The following CDK19 variants were observed in gnomAD, a reference collection of about 807,000 sequenced individuals.
CDK19 encodes cyclin-dependent kinase 19.
CDK19 carries 20 observed loss-of-function variants against 68.3 expected under a neutral mutation model. The ratio of observed to expected loss-of-function variants is 0.29; its 90% CI spans 0.21 to 0.43. The LOEUF is 0.43. CDK19 is among the 20% of genes least tolerant of loss of function. The pLI, the probability that CDK19 is intolerant of heterozygous loss-of-function variation, is 1.00. For synonymous variants in CDK19, 221 were observed against 222.8 expected (o/e 0.99, Z 0.07); for missense variants, 339 against 623.5 (o/e 0.54, Z 4.86).
chr6:110,617,072 T>C (rs1286223267), intron 12 of CDK19, among the ~76,000 whole-genome samples: 9 of 152,200 alleles, frequency 5.9e-5, no homozygotes, highest in African/African-American at 2.2e-4. Context: ...GAGCAAAAGT[T>C]TTTCTCTGAC....
intron 1 of CDK19, among the ~76,000 whole-genome samples, chr6:110,791,321 A>G (rs1192291350): frequency 6.6e-6 from 1 of 152,122 alleles, no homozygotes; most frequent in East Asian, 1.9e-4. Flanking sequence ...GGAGGAAAGA[A>G]GGTCAGAAAG....
chr6:110,719,496 C>T (rs550501825), intron 2 of CDK19, among the ~76,000 whole-genome samples: 1 of 152,098 alleles, frequency 6.6e-6, no homozygotes, highest in Admixed American at 6.5e-5. Flanking sequence ...TGCACTCCAG[C>T]CTGGGTGACA....
chr6:110,797,098 T>C (rs1451105152), intron 1 of CDK19, among the ~76,000 whole-genome samples: 3 of 151,900 alleles, frequency 2.0e-5, no homozygotes, highest in Admixed American at 2.0e-4. Flanking sequence ...TCTCACCACT[T>C]TGGGAGGCCA....
At chr6:110,644,475 T>C (rs1780417273) in intron 4 of CDK19, among the ~76,000 whole-genome samples, 1 of 152,102 alleles carries the variant, frequency 6.6e-6, no homozygotes, top group South Asian at 2.1e-4. Flanking sequence ...CTACAGTCAA[T>C]ACTAATTTAA....
At chr6:110,748,016 T>C (rs1439474941) in intron 1 of CDK19, among the ~76,000 whole-genome samples, 2 of 152,220 alleles carry the variant, frequency 1.3e-5, no homozygotes, top group African/African-American at 4.8e-5. Flanking sequence ...AGGTATCTAT[T>C]GCTAAATATT....
At chr6:110,731,097 A>G (rs1486108954) in intron 2 of CDK19, among the ~76,000 whole-genome samples, 19 of 148,194 alleles carry the variant, frequency 1.3e-4, no homozygotes, top group Admixed American at 1.3e-3. Flanking sequence ...AGGAAGGAAG[A>G]AAGAAAAGAA....
chr6:110,764,556 T>C (rs905057632), intron 1 of CDK19, among the ~76,000 whole-genome samples: 3 of 152,182 alleles, frequency 2.0e-5, no homozygotes, highest in African/African-American at 7.2e-5. Context: ...CAACTGGACG[T>C]GCATATGCTA....
At chr6:110,814,586 C>T (rs891560906) in intron 1 of CDK19, 4 of 458,836 alleles carry the variant, frequency 8.7e-6, no homozygotes, top group East Asian at 1.4e-4. Context: ...CCCCGCGAGG[C>T]GCTCAGCCGA....
chr6:110,622,404 A>G (rs1778777671), intron 10 of CDK19, among the ~76,000 whole-genome samples: 1 of 152,190 alleles, frequency 6.6e-6, no homozygotes, highest in Non-Finnish European at 1.5e-5. Flanking sequence ...AAGAAAAACT[A>G]CACCTCTTAT....
intron 2 of CDK19, among the ~76,000 whole-genome samples, chr6:110,676,965 A>C (rs919287413): frequency 7.9e-5 from 12 of 152,046 alleles, no homozygotes; most frequent in African/African-American, 2.4e-4. Context: ...CTAATCCCCA[A>C]ATTTGCATTT....
intron 1 of CDK19, among the ~76,000 whole-genome samples, chr6:110,770,411 A>C (rs1212014810): frequency 6.6e-6 from 1 of 152,202 alleles, no homozygotes; most frequent in Non-Finnish European, 1.5e-5. Flanking sequence ...AGGATGCAAA[A>C]GCAGAAACCC....
chr6:110,780,333 T>C (rs1445050153), intron 1 of CDK19, among the ~76,000 whole-genome samples: 6 of 144,332 alleles, frequency 4.2e-5, no homozygotes. Context: ...GAGGTTGCAG[T>C]GAGCCAAGAT....
intron 1 of CDK19, among the ~76,000 whole-genome samples, chr6:110,761,882 C>A (rs992248259): frequency 4.6e-5 from 7 of 152,080 alleles, no homozygotes; most frequent in African/African-American, 7.2e-5. Flanking sequence ...GGTACTTAAC[C>A]AACTGAGATA....
chr6:110,625,758 CT>C (rs576297915), intron 8 of CDK19, among the ~76,000 whole-genome samples: 31 of 152,150 alleles, frequency 2.0e-4, no homozygotes, highest in African/African-American at 7.2e-4. Context: ...CAGCACTGTC[CT>C]TAAGAGATGG....
At chr6:110,756,381 C>T (rs1583030990) in intron 1 of CDK19, among the ~76,000 whole-genome samples, 1 of 149,828 alleles carries the variant, frequency 6.7e-6, no homozygotes, top group African/African-American at 2.5e-5. Flanking sequence ...CAGAGCGAGA[C>T]TCTGTCTCAA....
chr6:110,660,702 T>C (rs560325627), intron 4 of CDK19, among the ~76,000 whole-genome samples: 80 of 152,284 alleles, frequency 5.3e-4, no homozygotes, highest in African/African-American at 1.9e-3. Flanking sequence ...AAGCTGTCCT[T>C]CTGAAGTCAA....
rs117293402 is a variant in CDK19 at position 110,624,937 on chromosome 6, T to C, written c.861-1575A>G. Among the ~76,000 whole-genome samples the C allele has an allele frequency of 6.7e-3, 1,026 of 152,240 alleles. 5 individuals are homozygous for C. Among genetic ancestry groups the C allele is most frequent in the Non-Finnish European group, 0.011 (754 of 68,012 alleles). Reference sequence around the variant, plus strand: ...GGTTCTGAATCTGAAAAGTGGAAATTATAATTATGCCTATCCTATAGATTT... The same window carrying C: ...GGTTCTGAATCTGAAAAGTGGAAATCATAATTATGCCTATCCTATAGATTT... On this transcript the variant is annotated intron_variant, in intron 8 of 12. Transcript: ENST00000368911.
At chr6:110,716,373 G>A (rs1004782647) in intron 2 of CDK19, among the ~76,000 whole-genome samples, 7 of 151,602 alleles carry the variant, frequency 4.6e-5, no homozygotes, top group Non-Finnish European at 1.0e-4. Flanking sequence ...TTAATCACTG[G>A]ACCACCTATG....
At position 110,611,513 on chromosome 6, in the gene CDK19, C is replaced by T. The variant is rs59730719; in HGVS notation, c.*3022G>A. 2,918 of 152,372 alleles carry T rather than the reference C, an allele frequency of 0.019. 104 individuals are homozygous for T. The highest frequency in any genetic ancestry group is 0.067 in the African/African-American group (2,783 of 41,538). The allele number at this position is 152,372 out of a possible 1,614,324, so 9.4% of individuals were successfully genotyped here. ...AAAAGGCTTTGTTCCCAACTGGGTG[C>T]GGTGGCTCACACCTATAATCCCAGC... On this transcript the variant is annotated 3_prime_UTR_variant, in exon 13 of 13. Transcript: ENST00000368911.
Sources: gnomAD v4.1 joint callset for allele counts (sites outside exome capture counted in the v4.1 genomes callset) on GRCh38, gnomAD v4.1.1 for gene constraint, MANE v1.5 for transcripts, NCBI Gene and HGNC (gene_info 2026-07-23, HGNC 2026-07-21) for gene names.